Variants in ZSCAN12 observed in about 807,000 individuals in gnomAD.
ZSCAN12 encodes zinc finger and SCAN domain-containing protein 12.
ZSCAN12 carries 18 observed loss-of-function variants against 23.4 expected under a neutral mutation model. The ratio of observed to expected loss-of-function variants is 0.77; its 90% CI spans 0.53 to 1.14. The LOEUF (loss-of-function observed/expected upper bound fraction) is 1.14. Among genes scored for constraint, ZSCAN12 ranks in the 50% most tolerant of loss-of-function variants. The pLI is 0.00. For synonymous variants in ZSCAN12, 186 were observed against 253.4 expected, an observed-to-expected ratio of 0.73 and a Z score of 2.53; for missense variants, 650 against 735.0, an observed-to-expected ratio of 0.88 and a Z score of 1.34.
Position 28,390,631 on chromosome 6 carries a change from G to T in ZSCAN12, c.1659C>A (p.Tyr553Ter). ...HQRIHTGEKPYQCDECGKAFR... is the reference protein window; with the variant it reads ...HQRIHTGEKP ...AGGCTTTTCCACACTCATCACATTGGTAGGGCTTCTCCCCAGTGTGGATTC... is the reference window on the plus strand; with the variant it reads ...AGGCTTTTCCACACTCATCACATTGTTAGGGCTTCTCCCCAGTGTGGATTC... Residue 553 changes from tyrosine (Y) to a stop codon, truncating the protein, a stop_gained, in exon 4 of 4, where the codon TAC becomes TAA. Coordinates refer to ENST00000684592, the MANE Select transcript of ZSCAN12 (RefSeq NM_001163391.2). LOFTEE classifies it low-confidence loss of function (END_TRUNC). The T allele has an allele frequency of 6.2e-7, 1 of 1,613,004 alleles. No individual in the cohort carries two copies. The highest frequency in any genetic ancestry group is 8.5e-7 in the Non-Finnish European group (1 of 1,179,534).
At position 28,385,935 on chromosome 6, in the gene ZSCAN12, T is replaced by G. The variant is rs936742860; in HGVS notation, c.*4519A>C. Among the ~76,000 whole-genome samples, 3 of 152,234 alleles carry G rather than the reference T, an allele frequency of 2.0e-5. No homozygotes were observed. The highest frequency in any genetic ancestry group is 4.8e-5 in the African/African-American group (2 of 41,472). On this transcript the variant is annotated 3_prime_UTR_variant, in exon 4 of 4. Coordinates refer to ENST00000684592, the MANE Select transcript of ZSCAN12 (RefSeq NM_001163391.2). ...TAGAGGTCTCTACAACCAACCTCAT[T>G]ATACAGTTGAGATGTCTCAATTTGG...
At position 28,391,070 on chromosome 6, in the gene ZSCAN12, A is replaced by G; in HGVS notation, c.1220T>C (p.Val407Ala). The G allele has an allele frequency of 6.4e-7, 1 of 1,553,358 alleles. No homozygotes were observed. The change falls in exon 4 of 4, where the codon GTT (valine) becomes GCT (alanine). Residue 407 changes from valine to alanine, a missense_variant. Coordinates refer to ENST00000684592, the MANE Select transcript of ZSCAN12 (RefSeq NM_001163391.2). The surrounding 1 kb of genome is among the most constrained non-coding windows in gnomAD (Gnocchi z 4.1). ...RRSILTQHQG[V>A]HTGAKPYECN... ...CTCATACGGCTTGGCGCCGGTATGA[A>G]CTCCTTGATGCTGAGTAAGTATGGA...
chr6:28,399,143 A>C (rs1761288603), intron 1 of ZSCAN12, among the ~76,000 whole-genome samples: 1 of 152,216 alleles, frequency 6.6e-6, no homozygotes, highest in South Asian at 2.1e-4. Context: ...TATCTTTTGA[A>C]TGTCCAGATG....
chr6:28,396,752 G>A (rs774673505), intron 2 of ZSCAN12, among the ~76,000 whole-genome samples: 5 of 151,942 alleles, frequency 3.3e-5, no homozygotes, highest in East Asian at 3.9e-4. Flanking sequence ...TTACAGGCAT[G>A]TCCTGCCACA....
chr6:28,396,829 T>A (rs1205244215), intron 2 of ZSCAN12, among the ~76,000 whole-genome samples: 1 of 152,162 alleles, frequency 6.6e-6, no homozygotes, highest in Non-Finnish European at 1.5e-5. Flanking sequence ...GGCGTTGAAC[T>A]CCTGACCTCA....
intron 2 of ZSCAN12, 104 bp downstream of exon 2, chr6:28,397,900 A>G (rs1761193613): frequency 2.9e-6 from 4 of 1,376,678 alleles, no homozygotes; most frequent in Admixed American, 2.9e-5. Flanking sequence ...CTGATGCACC[A>G]AACTGTCAAA....
At position 28,387,284 on chromosome 6, in the gene ZSCAN12, A is replaced by G. The variant is rs1419657350; in HGVS notation, c.*3170T>C. ...ATGGAGGAATGTGCGCAATGACAGAACATATTAAGCAGAAAATGAACTGGA... is the reference window on the plus strand; with the variant it reads ...ATGGAGGAATGTGCGCAATGACAGAGCATATTAAGCAGAAAATGAACTGGA... On this transcript the variant is annotated 3_prime_UTR_variant, in exon 4 of 4. Transcript: ENST00000684592. Among the ~76,000 whole-genome samples, 1 of 152,232 alleles carries G rather than the reference A, an allele frequency of 6.6e-6. No individual in the cohort carries two copies. The highest frequency in any genetic ancestry group is 2.4e-5 in the African/African-American group (1 of 41,450).
In ZSCAN12 at chr6:28,391,995, T is replaced by C. The variant is rs919983819; in HGVS notation, c.548-253A>G. ...AGACTAGGTGGCTGGGAAAATCGAG[T>C]AGAATAGAAACTTTTCATTAAATAA... On this transcript the variant is annotated intron_variant, in intron 3 of 3. Transcript: ENST00000684592. This position sits in a 1 kb window ranked among gnomAD's most constrained non-coding sequence, Gnocchi z 4.1. Among the ~76,000 whole-genome samples, 1 of 151,994 alleles carries C rather than the reference T, an allele frequency of 6.6e-6. No individual in the cohort carries two copies. The highest frequency in any genetic ancestry group is 6.6e-5 in the Admixed American group (1 of 15,258).
rs1040642861 is a variant in ZSCAN12 at position 28,387,314 on chromosome 6, C to A, written c.*3140G>T. ...TTAAGCAGAAAATGAACTGGAAAGA[C>A]CCCAAGTAAAGGCACTCAGAGGAGT... On this transcript the variant is annotated 3_prime_UTR_variant, in exon 4 of 4. Transcript: ENST00000684592. Among the ~76,000 whole-genome samples, 12 of 152,144 alleles carry A rather than the reference C, an allele frequency of 7.9e-5. No homozygotes were observed. Among genetic ancestry groups the A allele is most frequent in the African/African-American group, 2.9e-4 (12 of 41,436 alleles).
downstream of ZSCAN12, chr6:28,382,394 G>A (rs1760294003): frequency 6.8e-7 from 1 of 1,470,470 alleles, no homozygotes; most frequent in Non-Finnish European, 9.0e-7. Context: ...TCTCCAGAGA[G>A]TAGCAATTTA....
rs1157127697 is a variant in ZSCAN12, at chr6:28,386,140, C to T, written c.*4314G>A. Among the ~76,000 whole-genome samples the T allele has an allele frequency of 1.3e-5, 2 of 152,140 alleles. No homozygotes were observed. Among genetic ancestry groups the T allele is most frequent in the Non-Finnish European group, 2.9e-5 (2 of 68,024 alleles). On this transcript the variant is annotated 3_prime_UTR_variant, in exon 4 of 4. Coordinates refer to ENST00000684592, the MANE Select transcript of ZSCAN12 (RefSeq NM_001163391.2). ...TCAGGTTACGTTTTCATTCATAGCC[C>T]GTGTTGAAACTCACCTCACTTTTCA...
At chr6:28,393,227 C>T (rs1224014480) in intron 2 of ZSCAN12, among the ~76,000 whole-genome samples, 181 bp from the exon 3 acceptor site, 1 of 152,146 alleles carries the variant, frequency 6.6e-6, no homozygotes, top group African/African-American at 2.4e-5. Flanking sequence ...TTCCCTTCTC[C>T]ACCCAGATGT....
exon 5 of ZSCAN12, chr6:28,379,558 C>A (rs1760124311): frequency 6.6e-6 from 1 of 152,326 alleles, no homozygotes; most frequent in Non-Finnish European, 1.5e-5. Context: ...CGAGATCGTG[C>A]CATTGCACTC....
At chr6:28,383,103 T>G (rs1372538860), downstream of ZSCAN12, among the ~76,000 whole-genome samples, 1 of 150,764 alleles carries the variant, frequency 6.6e-6, no homozygotes, top group African/African-American at 2.5e-5. Flanking sequence ...AGTAATTTGC[T>G]CAAAGTCACA....
chr6:28,387,129 C>A lies in ZSCAN12; in HGVS notation c.*3325G>T, dbSNP rs1386704705. Among the ~76,000 whole-genome samples, 24 of 152,118 alleles carry A rather than the reference C, an allele frequency of 1.6e-4. 1 individual carries two copies. The highest frequency in any genetic ancestry group is 4.4e-5 in the Non-Finnish European group (3 of 68,010). On this transcript the variant is annotated 3_prime_UTR_variant, in exon 4 of 4. Coordinates refer to ENST00000684592, the MANE Select transcript of ZSCAN12 (RefSeq NM_001163391.2). ...TGTGAGCCACTGCACCCAGCCTCCA[C>A]ATTTATTTTTAAACAAGTATGAACT...
rs1432825411 is a variant in ZSCAN12 at position 28,398,427 on chromosome 6, G to A, written c.-22C>T. ...CCATTTTAGCTGTGCTAGAACTACC[G>A]GTGTTTCAAGTAAGATCTCACCTGG... On this transcript the variant is annotated 5_prime_UTR_variant, in exon 2 of 4. Coordinates refer to ENST00000684592, the MANE Select transcript of ZSCAN12 (RefSeq NM_001163391.2). 1.1e-5 allele frequency: 16 copies of A among 1,510,846 alleles called. No homozygotes were observed. The highest frequency in any genetic ancestry group is 1.4e-5 in the Non-Finnish European group (16 of 1,124,818). 93.6% of individuals were successfully genotyped at this position (1,510,846 alleles called of 1,614,324 possible).
In ZSCAN12 at chr6:28,384,821, A is replaced by G. The variant is rs1760462540; in HGVS notation, c.*5633T>C. 6.6e-6 allele frequency among the ~76,000 whole-genome samples: 1 copy of G among 152,256 alleles called. No individual in the cohort carries two copies. On this transcript the variant is annotated 3_prime_UTR_variant, in exon 4 of 4. Transcript: ENST00000684592. ...TGAGGACTCCTTACCAAACGCACAC[A>G]GAACGTTTGAGAGGGAGAGGATCCA...
chr6:28,398,341 T>C lies in ZSCAN12; in HGVS notation c.65A>G (p.Glu22Gly), dbSNP rs563670589. ...DQDEPLEVKI[E>G]EEKYTTRQDW... is the part of the protein sequence containing the mutation. ...CTGTCTGGTGGTATATTTCTCTTCC[T>C]CTATCTTTACTTCCAAAGGTTCATC... Residue 22 changes from glutamate (E) to glycine (G), a missense_variant, in exon 2 of 4, where the codon GAG becomes GGG. Transcript: ENST00000684592. The C allele has an allele frequency of 1.9e-6, 3 of 1,554,068 alleles. No individual in the cohort carries two copies. In the East Asian group the frequency reaches 7.3e-5, roughly 38 times the overall value.
chr6:28,396,893 C>T (rs924266016), intron 2 of ZSCAN12, among the ~76,000 whole-genome samples: 1 of 152,132 alleles, frequency 6.6e-6, no homozygotes, highest in East Asian at 1.9e-4. Context: ...CATGAGTCAC[C>T]GTGCCTGGCC....
Sources: allele counts gnomAD v4.1 joint callset (sites outside exome capture counted in the v4.1 genomes callset), GRCh38; gene constraint gnomAD v4.1.1; non-coding constraint Gnocchi (gnomAD v3.1); transcripts MANE v1.5; gene names NCBI Gene and HGNC (gene_info 2026-07-23, HGNC 2026-07-21).